Variants in PAX5 observed in about 807,000 individuals in gnomAD.
PAX5 encodes the protein paired box protein Pax-5.
Under a neutral mutation model 43.7 loss-of-function variants are expected in PAX5, and 9 were observed. The ratio of observed to expected loss-of-function variants is 0.21; its 90% CI spans 0.12 to 0.36. The LOEUF (loss-of-function observed/expected upper bound fraction) is 0.36. PAX5 is among the 10% of genes least tolerant of loss of function. PAX5 has a pLI of 1.00. For missense variants in PAX5, 383 were observed against 532.7 expected (o/e 0.72, Z 2.77); for synonymous variants, 228 against 214.3 (o/e 1.06, Z -0.56).
chr9:36,870,006 A>G (rs1221151619), intron 8 of PAX5, among the ~76,000 whole-genome samples: 10 of 26,996 alleles, frequency 3.7e-4, no homozygotes, highest in East Asian at 1.7e-3. Flanking sequence ...ATGGATGGAT[A>G]AATGGATGGA....
chr9:36,986,969 G>A (rs565152651), intron 5 of PAX5, among the ~76,000 whole-genome samples: 1 of 152,342 alleles, frequency 6.6e-6, no homozygotes, highest in South Asian at 2.1e-4. Flanking sequence ...AGGGAGGAAG[G>A]CCTGGCAGCA....
At chr9:36,843,887 G>C (rs1167566725) in intron 9 of PAX5, among the ~76,000 whole-genome samples, 1 of 152,238 alleles carries the variant, frequency 6.6e-6, no homozygotes, top group Non-Finnish European at 1.5e-5. Flanking sequence ...CCCGGGAAAA[G>C]TTACAGTGGA....
chr9:37,010,590 A>G (rs1236021882), intron 3 of PAX5, among the ~76,000 whole-genome samples: 1 of 152,150 alleles, frequency 6.6e-6, no homozygotes, highest in Non-Finnish European at 1.5e-5. Flanking sequence ...CTTCTTTGAA[A>G]GGCTAGGCTT....
intron 7 of PAX5, among the ~76,000 whole-genome samples, chr9:36,911,779 G>A (rs922728568): frequency 1.3e-5 from 2 of 152,206 alleles, no homozygotes; most frequent in Non-Finnish European, 2.9e-5. Flanking sequence ...CCCGCCAGAG[G>A]GGATTGTGAC....
intron 8 of PAX5, among the ~76,000 whole-genome samples, chr9:36,852,883 C>T (rs1487927153): frequency 7.2e-5 from 11 of 152,170 alleles, no homozygotes; most frequent in Non-Finnish European, 4.4e-5. Context: ...GCCTATATTC[C>T]CAGACCCCAG....
chr9:37,025,912 T>C (rs149745637), intron 1 of PAX5, among the ~76,000 whole-genome samples: 1 of 152,296 alleles, frequency 6.6e-6, no homozygotes, highest in African/African-American at 2.4e-5. Context: ...CAATGGGGTC[T>C]TTAAGGGTCT....
intron 7 of PAX5, among the ~76,000 whole-genome samples, chr9:36,897,672 A>ATC (rs1827987429): frequency 3.9e-5 from 6 of 152,192 alleles, no homozygotes; most frequent in Admixed American, 3.9e-4. Context: ...ATCCTGATCC[A>ATC]GGTTTCCTTT....
intron 7 of PAX5, among the ~76,000 whole-genome samples, chr9:36,883,917 T>C (rs1324552805): frequency 6.6e-6 from 1 of 152,082 alleles, no homozygotes; most frequent in Non-Finnish European, 1.5e-5. Context: ...TCTAGGAAAA[T>C]ATGAATTGCC....
chr9:36,904,279 G>A (rs2131871747), intron 7 of PAX5, among the ~76,000 whole-genome samples: 1 of 152,232 alleles, frequency 6.6e-6, no homozygotes, highest in African/African-American at 2.4e-5. Context: ...TGGGGGAAGA[G>A]CTCCCTAGTC....
intron 7 of PAX5, chr9:36,922,585 G>T (rs141847457): frequency 6.6e-6 from 1 of 152,290 alleles, no homozygotes; most frequent in African/African-American, 2.4e-5. Context: ...ACCTGCCACA[G>T]GGAGAGGGTT....
chr9:36,926,114 T>C (rs993698949), intron 6 of PAX5, among the ~76,000 whole-genome samples: 3 of 152,196 alleles, frequency 2.0e-5, no homozygotes, highest in African/African-American at 7.2e-5. Flanking sequence ...GCTTTTATGA[T>C]AGCGCAGGAA....
At chr9:36,956,548 A>G (rs1833495712) in intron 6 of PAX5, among the ~76,000 whole-genome samples, 1 of 152,056 alleles carries the variant, frequency 6.6e-6, no homozygotes, top group Non-Finnish European at 1.5e-5. Flanking sequence ...CCAGAACCCC[A>G]CGCTTTTCAC....
chr9:36,954,216 A>G (rs1307062525), intron 6 of PAX5, among the ~76,000 whole-genome samples: 2 of 152,172 alleles, frequency 1.3e-5, no homozygotes, highest in Admixed American at 1.3e-4. Flanking sequence ...GGACTAAAGT[A>G]AGGTTTCATG....
In PAX5 at chr9:36,839,787, G is replaced by A; in HGVS notation, c.*773C>T. On this transcript the variant is annotated 3_prime_UTR_variant, in exon 10 of 10. Transcript: ENST00000358127. ...AAGTAGCTGAGGAATCTCCCAGACA[G>A]TTTTCTTTGAGTTCTTTGATCTGGA... is the stretch of plus-strand genomic sequence containing the variant. 1 of 233,464 alleles carries A rather than the reference G, an allele frequency of 4.3e-6. No individual in the cohort carries two copies. Among genetic ancestry groups the A allele is most frequent in the Non-Finnish European group, 8.5e-6 (1 of 118,160 alleles). 14.5% of individuals were successfully genotyped at this position (233,464 alleles called of 1,614,324 possible).
intron 5 of PAX5, among the ~76,000 whole-genome samples, chr9:36,973,209 G>A (rs1835127601): frequency 1.3e-5 from 2 of 151,990 alleles, no homozygotes; most frequent in African/African-American, 4.8e-5. Flanking sequence ...ATAACTCCCA[G>A]ATCCCATTCC....
At chr9:36,931,060 G>T (rs886075168) in intron 6 of PAX5, 10 of 438,104 alleles carry the variant, frequency 2.3e-5, no homozygotes, top group Non-Finnish European at 3.7e-5. Flanking sequence ...GCCACCTGGG[G>T]CCAGGAGGCC....
intron 1 of PAX5, among the ~76,000 whole-genome samples, chr9:37,021,424 C>T (rs1319677703): frequency 6.6e-6 from 1 of 152,142 alleles, no homozygotes; most frequent in Non-Finnish European, 1.5e-5. Context: ...GCAGACTTGA[C>T]CACTGTACCT....
chr9:36,965,721 A>G (rs1190506951), intron 6 of PAX5, among the ~76,000 whole-genome samples: 1 of 152,218 alleles, frequency 6.6e-6, no homozygotes, highest in Non-Finnish European at 1.5e-5. Flanking sequence ...TGTTGTCTGT[A>G]GGGTCTCTCT....
At chr9:36,871,569 T>C (rs551333660) in intron 8 of PAX5, among the ~76,000 whole-genome samples, 1 of 152,338 alleles carries the variant, frequency 6.6e-6, no homozygotes, top group South Asian at 2.1e-4. Flanking sequence ...CTTCATCTCC[T>C]AAAAAGCCAT....
Sources: allele counts gnomAD v4.1 joint callset (sites outside exome capture counted in the v4.1 genomes callset), GRCh38; gene constraint gnomAD v4.1.1; transcripts MANE v1.5; gene names NCBI Gene and HGNC (gene_info 2026-07-23, HGNC 2026-07-21).